Variants in FIBCD1 observed in about 807,000 individuals in gnomAD.
FIBCD1 encodes fibrinogen C domain containing 1.
In FIBCD1, 47 loss-of-function variants were observed where a neutral mutation model predicts 45.1. The observed-to-expected ratio is 1.04, with a 90% confidence interval of 0.82 to 1.33. The LOEUF is 1.33. FIBCD1 is among the 40% of genes most tolerant of loss of function. The probability of loss-of-function intolerance (pLI) is 0.00; values close to 1 mark genes in which losing one functional copy is unlikely to be tolerated. For synonymous variants in FIBCD1, 313 were observed against 308.1 expected (o/e 1.02, Z -0.17); for missense variants, 653 against 682.2 (o/e 0.96, Z 0.48).
chr9:130,915,440 C>T lies in FIBCD1; in HGVS notation c.850-3552G>A, dbSNP rs368890020. 1.2e-4 allele frequency among the ~76,000 whole-genome samples: 18 copies of T among 152,314 alleles called. No individual in the cohort carries two copies. The East Asian group carries it at 1.7e-3, about 15-fold the overall frequency. On this transcript the variant is annotated intron_variant, in intron 4 of 6. Transcript: ENST00000372338. ...GCAATTGGCCAGGAGCGGTGGCTCA[C>T]GCCTGTAACCCCAGCACTTTGGGAG...
intron 5 of FIBCD1, among the ~76,000 whole-genome samples, chr9:130,908,849 C>T (rs1831982762): frequency 6.6e-6 from 1 of 152,126 alleles, no homozygotes; most frequent in Non-Finnish European, 1.5e-5. Context: ...CTCTCATGGG[C>T]CCCGGTGAGG....
chr9:130,924,172 A>G, intron 3 of FIBCD1, 65 bp downstream of exon 3: 1 of 1,476,080 alleles, frequency 6.8e-7, no homozygotes, highest in South Asian at 1.4e-5. Context: ...CCCTCACCCC[A>G]ACTTCCCCGC....
chr9:130,912,436 G>A lies in FIBCD1; in HGVS notation c.850-548C>T, dbSNP rs1193087861. 4.0e-5 allele frequency among the ~76,000 whole-genome samples: 6 copies of A among 150,242 alleles called. No homozygotes were observed. In the East Asian group the frequency reaches 1.2e-3, roughly 29 times the overall value. ...AAAAAAGTGGGGTGGGCCGGGCACG[G>A]TGACTCCCGCCTGTAATCCCAGAAC... On this transcript the variant is annotated intron_variant, in intron 4 of 6. Coordinates refer to ENST00000372338, the MANE Select transcript of FIBCD1 (RefSeq NM_032843.5).
rs922258428 is a variant in FIBCD1, at chr9:130,926,559, C to A, written c.553-2163G>T. Among the ~76,000 whole-genome samples, 1 of 152,204 alleles carries A rather than the reference C, an allele frequency of 6.6e-6. No homozygotes were observed. ...ACAAGGCCGGGTGTGGTGGCTCACG[C>A]CTGTAATCCCAGCACTTTGGGAGGC... On this transcript the variant is annotated intron_variant, in intron 2 of 6. Transcript: ENST00000372338. The surrounding 1 kb of genome is among the most constrained non-coding windows in gnomAD (Gnocchi z 4.1).
chr9:130,914,069 C>T (rs1341516134), intron 4 of FIBCD1, among the ~76,000 whole-genome samples: 1 of 151,964 alleles, frequency 6.6e-6, no homozygotes, highest in Non-Finnish European at 1.5e-5. Context: ...TCCTCCCAGG[C>T]TATGACCATC....
intron 2 of FIBCD1, among the ~76,000 whole-genome samples, chr9:130,927,390 C>A (rs897388054): frequency 3.9e-5 from 6 of 152,178 alleles, no homozygotes; most frequent in African/African-American, 1.4e-4. Context: ...CGTGACAGAG[C>A]CAGCCAAGCC....
intron 4 of FIBCD1, among the ~76,000 whole-genome samples, chr9:130,918,003 C>T (rs913876393): frequency 6.6e-6 from 1 of 152,134 alleles, no homozygotes; most frequent in Non-Finnish European, 1.5e-5. Flanking sequence ...CGTGTGTGCT[C>T]GGGGCTCACA....
At chr9:130,910,779 C>G (rs1315130463) in intron 5 of FIBCD1, among the ~76,000 whole-genome samples, 1 of 152,140 alleles carries the variant, frequency 6.6e-6, no homozygotes, top group Non-Finnish European at 1.5e-5. Flanking sequence ...ACCTTTATGT[C>G]TAGCTCAGGG....
Position 130,904,126 on chromosome 9 carries a change from C to T in FIBCD1, c.1324G>A (p.Gly442Ser), listed in dbSNP as rs1429295208. Residue 442 changes from glycine (G) to serine (S), a missense_variant, in exon 7 of 7, where the codon GGC (glycine) becomes AGC (serine). Coordinates refer to ENST00000372338, the MANE Select transcript of FIBCD1 (RefSeq NM_032843.5). ...GAGAACTTGAGTGAGTACTGCCAGC[C>T]GGTCCAGGAGGACCACTCCACGCCG... is the stretch of plus-strand genomic sequence containing the variant. ...ADGVEWSSWT[G>S]WQYSLKFSEM... is the part of the protein sequence containing the mutation. 5.6e-6 allele frequency: 9 copies of T among 1,613,332 alleles called. No individual in the cohort carries two copies. Among genetic ancestry groups the T allele is most frequent in the Admixed American group, 3.3e-5 (2 of 60,030 alleles).
intron 4 of FIBCD1, among the ~76,000 whole-genome samples, chr9:130,912,459 A>C (rs2133080466): frequency 6.7e-6 from 1 of 149,518 alleles, no homozygotes; most frequent in East Asian, 2.0e-4. Context: ...GTAATCCCAG[A>C]ACTTTGGGAG....
At position 130,903,907 on chromosome 9, in the gene FIBCD1, C is replaced by A; in HGVS notation, c.*157G>T. On this transcript the variant is annotated 3_prime_UTR_variant, in exon 7 of 7. Coordinates refer to ENST00000372338, the MANE Select transcript of FIBCD1 (RefSeq NM_032843.5). ...GCGAGAAGGCGATGTGTGACTTCACCGGCCCAGGGAGCTTCGTGTCAGGGA... is the reference window on the plus strand; with the variant it reads ...GCGAGAAGGCGATGTGTGACTTCACAGGCCCAGGGAGCTTCGTGTCAGGGA... The A allele has an allele frequency of 1.1e-6, 1 of 947,586 alleles. No homozygotes were observed. Among genetic ancestry groups the A allele is most frequent in the South Asian group, 1.4e-5 (1 of 69,286 alleles). The allele number at this position is 947,586 out of a possible 1,614,324, so 58.7% of individuals were successfully genotyped here. A position where few individuals can be genotyped will look rare whatever the true frequency, so the allele number is the denominator to read the frequency against.
At chr9:130,911,250 G>T (rs1402221099) in intron 5 of FIBCD1, among the ~76,000 whole-genome samples, 1 of 152,146 alleles carries the variant, frequency 6.6e-6, no homozygotes, top group Admixed American at 6.5e-5. Flanking sequence ...AACATCAGAA[G>T]AAAAAAACTC....
intron 2 of FIBCD1, among the ~76,000 whole-genome samples, chr9:130,927,441 G>T (rs1283461720): frequency 6.6e-6 from 1 of 152,172 alleles, no homozygotes; most frequent in Non-Finnish European, 1.5e-5. Flanking sequence ...CATAGACTGT[G>T]TTATGCACAT....
At chr9:130,924,511 G>A (rs1832326103) in intron 2 of FIBCD1, 115 bp from the exon 3 acceptor site, 6 of 1,043,586 alleles carry the variant, frequency 5.7e-6, no homozygotes, top group Non-Finnish European at 8.1e-6. Context: ...GTGGGCTTCT[G>A]GCTCAAGGCC....
At chr9:130,921,220 G>A (rs960643757) in intron 4 of FIBCD1, among the ~76,000 whole-genome samples, 1 of 152,266 alleles carries the variant, frequency 6.6e-6, no homozygotes, top group African/African-American at 2.4e-5. Flanking sequence ...CTGTCCTCCA[G>A]GAAGGATCAG....
chr9:130,933,264 G>A (rs2133123793), intron 1 of FIBCD1, among the ~76,000 whole-genome samples: 1 of 152,346 alleles, frequency 6.6e-6, no homozygotes, highest in African/African-American at 2.4e-5. Context: ...ATCTGCCCGA[G>A]ATAACAAGGG....
rs932910129 is a variant in FIBCD1 at position 130,911,135 on chromosome 9, C to T, written c.946+657G>A. Among the ~76,000 whole-genome samples, 6 of 152,264 alleles carry T rather than the reference C, an allele frequency of 3.9e-5. No homozygotes were observed. In the South Asian group the frequency reaches 8.3e-4, roughly 21 times the overall value. On this transcript the variant is annotated intron_variant, in intron 5 of 6. Transcript: ENST00000372338. ...TTTGTTCTTTCACTCTTTGGGTCCACGCTGCTTTTATGAGCTGCAACACTC... is the reference window on the plus strand; with the variant it reads ...TTTGTTCTTTCACTCTTTGGGTCCATGCTGCTTTTATGAGCTGCAACACTC...
rs1055312561 is a variant in FIBCD1, at chr9:130,922,355, A to G, written c.849+1389T>C. On this transcript the variant is annotated intron_variant, in intron 4 of 6. Transcript: ENST00000372338. The surrounding 1 kb of genome is among the most constrained non-coding windows in gnomAD (Gnocchi z 4.5). ...CGGCCTCCCAGTCTCTCTCCAGCAC[A>G]CTTCTTCTCAGCTGAGCCCCCCACT... Among the ~76,000 whole-genome samples, 15 of 151,972 alleles carry G rather than the reference A, an allele frequency of 9.9e-5. No individual in the cohort carries two copies. Among genetic ancestry groups the G allele is most frequent in the Admixed American group, 9.2e-4 (14 of 15,272 alleles).
intron 1 of FIBCD1, among the ~76,000 whole-genome samples, chr9:130,934,078 C>T (rs1048918482): frequency 1.3e-5 from 2 of 152,170 alleles, no homozygotes; most frequent in Non-Finnish European, 2.9e-5. Flanking sequence ...CCAGCAGAGG[C>T]TTGCACAGAG....
Sources: gnomAD v4.1 joint callset for allele counts (sites outside exome capture counted in the v4.1 genomes callset) on GRCh38, gnomAD v4.1.1 for gene constraint, Gnocchi (gnomAD v3.1) non-coding constraint, MANE v1.5 for transcripts, NCBI Gene and HGNC (gene_info 2026-07-23, HGNC 2026-07-21) for gene names.